The following SAMD9L variants were observed in gnomAD, a reference collection of about 807,000 sequenced individuals.
SAMD9L encodes the protein sterile alpha motif domain containing 9 like.
Under a neutral mutation model 90.7 loss-of-function variants are expected in SAMD9L, and 68 were observed. The observed-to-expected ratio is 0.75, with a 90% CI of 0.62 to 0.92. The LOEUF (loss-of-function observed/expected upper bound fraction) is 0.92. Ranked by LOEUF, SAMD9L falls within the 40% of genes least tolerant of loss-of-function variation. The probability of loss-of-function intolerance (pLI) is 0.00; values close to 1 mark genes in which losing one functional copy is unlikely to be tolerated. For synonymous variants in SAMD9L, 640 were observed against 630.1 expected, an observed-to-expected ratio of 1.02 and a Z score of -0.23; for missense variants, 1,604 against 1,824.3, an observed-to-expected ratio of 0.88 and a Z score of 2.20.
chr7:93,131,329 A>G lies in SAMD9L; in HGVS notation c.4643T>C (p.Val1548Ala). ...YGTEEKIKIP[V>A]ISVYSGPLRS... is the part of the protein sequence containing the mutation. ...GAGTGGACCTGAATAAACAGATATT[A>G]CTGGTATTTTTATTTTTTCCTCTGT... is the stretch of plus-strand genomic sequence containing the variant. Residue 1548 changes from valine (V) to alanine (A), a missense_variant, in exon 5 of 5, where the codon GTA (valine) becomes GCA (alanine). Physicochemically the swap from Val to Ala is moderately conservative, Grantham distance 64. Transcript: ENST00000318238. 5.0e-6 allele frequency: 8 copies of G among 1,613,296 alleles called. No homozygotes were observed. The highest frequency in any genetic ancestry group is 4.2e-6 in the Non-Finnish European group (5 of 1,179,510).
In SAMD9L at chr7:93,133,966, A is replaced by T; in HGVS notation, c.2006T>A (p.Ile669Asn). The T allele has an allele frequency of 6.2e-7, 1 of 1,613,700 alleles. No homozygotes were observed. The highest frequency in any genetic ancestry group is 8.5e-7 in the Non-Finnish European group (1 of 1,179,808). Residue 669 changes from isoleucine to asparagine, a missense_variant, in exon 5 of 5, where the codon ATC becomes AAC. This residue lies in a region of SAMD9L where 606 missense variants were observed against 717.6 expected (regional missense o/e 0.84). Transcript: ENST00000318238. The stretch of plus-strand genomic sequence containing the variant: ...CAGGAATTTAGATTTGTCTTTCTCG[A>T]TGTCTGTCTCTGTACACTCATTTTC... ...LCENECTETD[I>N]EKDKSKFLEF...
chr7:93,148,111 T>C (rs1352223950), intron 1 of SAMD9L, 83 bp downstream of exon 1: 1 of 152,230 alleles, frequency 6.6e-6, no homozygotes, highest in Non-Finnish European at 1.5e-5. Context: ...TATATTTATA[T>C]AAAAAGTACA....
chr7:93,132,837 C>T lies in SAMD9L; in HGVS notation c.3135G>A (p.Lys1045=), dbSNP rs781462771. ...VQTLLLTRQR[K]VYGDETDTLF... ...GAGTGTCTGTTTCATCTCCATACAC[C>T]TTGCGCTGTCTTGTAAGCAGAAGAG... is the stretch of plus-strand genomic sequence containing the variant. The change falls in exon 5 of 5, where the codon AAG becomes AAA. Residue 1045 remains lysine (K), a synonymous_variant. Coordinates refer to ENST00000318238, the MANE Select transcript of SAMD9L (RefSeq NM_152703.5). 4.3e-5 allele frequency: 70 copies of T among 1,613,566 alleles called. No individual in the cohort carries two copies. The highest frequency in any genetic ancestry group is 5.6e-5 in the Non-Finnish European group (66 of 1,179,764).
At chr7:93,143,433 T>G (rs186745763) in intron 4 of SAMD9L, among the ~76,000 whole-genome samples, 3 of 152,290 alleles carry the variant, frequency 2.0e-5, no homozygotes, top group Admixed American at 1.3e-4. Context: ...TTCTCTGCTT[T>G]AATCACTCTT....
chr7:93,133,881 G>A lies in SAMD9L; in HGVS notation c.2091C>T (p.Asn697=). ...FYRGGKVSWW[N]FYFSSENYSS... The stretch of plus-strand genomic sequence containing the variant: ...AATAGTTTTCAGAAGAAAAATAGAA[G>A]TTCCACCAGGATACTTTGCCACCTC... The change falls in exon 5 of 5, where the codon AAC becomes AAT. Residue 697 remains asparagine, a synonymous_variant. Transcript: ENST00000318238. 6.2e-7 allele frequency: 1 copy of A among 1,613,504 alleles called. No homozygotes were observed. Among genetic ancestry groups the A allele is most frequent in the Non-Finnish European group, 8.5e-7 (1 of 1,179,762 alleles).
chr7:93,131,663 C>A lies in SAMD9L; in HGVS notation c.4309G>T (p.Glu1437Ter), dbSNP rs1792105391. The change falls in exon 5 of 5, where the codon GAA becomes TAA. Residue 1437 changes from glutamate (E) to a stop codon, truncating the protein, a stop_gained. Transcript: ENST00000318238. LOFTEE classifies it high-confidence loss of function. Reference sequence around the variant, plus strand: ...GAATCTTGATCTAGCTCTTGATTTTCTGGCCAGAACAGGAGGCAGGCCAAG... The same window carrying A: ...GAATCTTGATCTAGCTCTTGATTTTATGGCCAGAACAGGAGGCAGGCCAAG... ...YFLACLLFWP[E>*]NQELDQDSKL... is the part of the protein sequence containing the mutation. 1 of 1,613,700 alleles carries A rather than the reference C, an allele frequency of 6.2e-7. No individual in the cohort carries two copies. The highest frequency in any genetic ancestry group is 1.1e-5 in the South Asian group (1 of 91,064).
Position 93,134,216 on chromosome 7 carries a change from T to C in SAMD9L, c.1756A>G (p.Ile586Val), listed in dbSNP as rs1792299828. Residue 586 changes from isoleucine to valine, a missense_variant, in exon 5 of 5, where the codon ATT becomes GTT. Physicochemically the swap from Ile to Val is conservative, Grantham distance 29 (BLOSUM62 3). Around this residue, in one of 7 missense-constraint regions of SAMD9L, gnomAD observed 606 missense variants for 717.6 expected, o/e 0.84. Coordinates refer to ENST00000318238, the MANE Select transcript of SAMD9L (RefSeq NM_152703.5). ...AGTAGATCTTTCCATCGTTGATAAA[T>C]ATGTGAGTTTACAGAGATACACAAC... ...NMLCISVNSH[I>V]YQRWKDLLQT... 4 of 1,613,252 alleles carry C rather than the reference T, an allele frequency of 2.5e-6. No individual in the cohort carries two copies. Among genetic ancestry groups the C allele is most frequent in the Non-Finnish European group, 2.5e-6 (3 of 1,179,630 alleles).
chr7:93,135,744 A>G lies in SAMD9L; in HGVS notation c.228T>C (p.Asn76=), dbSNP rs778386940. 4 of 1,613,842 alleles carry G rather than the reference A, an allele frequency of 2.5e-6. No individual in the cohort carries two copies. The highest frequency in any genetic ancestry group is 1.3e-5 in the African/African-American group (1 of 74,842). ...LLIKRSYNKL[N]SKSPESDNHD... ...GATTGTCACTTTCAGGGGACTTACTATTCAATTTGTTGTATGAACGTTTTA... is the reference window on the plus strand; with the variant it reads ...GATTGTCACTTTCAGGGGACTTACTGTTCAATTTGTTGTATGAACGTTTTA... Residue 76 remains asparagine (N), a synonymous_variant, in exon 5 of 5, where the codon AAT becomes AAC. Transcript: ENST00000318238.
intron 4 of SAMD9L, among the ~76,000 whole-genome samples, chr7:93,144,332 T>A (rs1792809131): frequency 6.6e-6 from 1 of 152,166 alleles, no homozygotes; most frequent in Non-Finnish European, 1.5e-5. Flanking sequence ...TTGAAAATAT[T>A]TGAAAAAAAA....
Position 93,135,265 on chromosome 7 carries a change from G to A in SAMD9L, c.707C>T (p.Thr236Ile), listed in dbSNP as rs1412806896. The A allele has an allele frequency of 6.2e-7, 1 of 1,614,076 alleles. No homozygotes were observed. The highest frequency in any genetic ancestry group is 8.5e-7 in the Non-Finnish European group (1 of 1,179,972). The change falls in exon 5 of 5, where the codon ACC becomes ATC. Residue 236 changes from threonine to isoleucine, a missense_variant. Thr to Ile is a moderately conservative substitution (Grantham distance 89, BLOSUM62 -1). Transcript: ENST00000318238. ...TTTGTCCTTGACTCCAAAATGGATG[G>A]TGCCATTGGTGCGTGAATTCATACA... ...SACMNSRTNG[T>I]IHFGVKDKPH... is the part of the protein sequence containing the mutation.
In SAMD9L at chr7:93,135,092, G is replaced by A; in HGVS notation, c.880C>T (p.Leu294=). 2 of 1,612,806 alleles carry A rather than the reference G, an allele frequency of 1.2e-6. No homozygotes were observed. Among genetic ancestry groups the A allele is most frequent in the South Asian group, 2.2e-5 (2 of 91,072 alleles). The change falls in exon 5 of 5, where the codon CTG becomes TTG. Residue 294 remains leucine (L), a synonymous_variant. Coordinates refer to ENST00000318238, the MANE Select transcript of SAMD9L (RefSeq NM_152703.5). ...IREPRFVEVL[L]QNNTPSDRFV... Reference sequence around the variant, plus strand: ...CTGTCAGATGGTGTATTGTTCTGCAGAAGGACTTCCACAAACCTTGGCTCC... The same window carrying A: ...CTGTCAGATGGTGTATTGTTCTGCAAAAGGACTTCCACAAACCTTGGCTCC...
chr7:93,133,477 G>T lies in SAMD9L; in HGVS notation c.2495C>A (p.Thr832Lys). 1 of 1,612,324 alleles carries T rather than the reference G, an allele frequency of 6.2e-7. No homozygotes were observed. The highest frequency in any genetic ancestry group is 1.1e-5 in the South Asian group (1 of 90,690). Residue 832 changes from threonine (T) to lysine (K), a missense_variant, in exon 5 of 5, where the codon ACA (threonine) becomes AAA (lysine). Thr to Lys is a moderately conservative substitution (Grantham distance 78, BLOSUM62 -1). This residue lies in a region of SAMD9L where 606 missense variants were observed against 717.6 expected (regional missense o/e 0.84). Transcript: ENST00000318238. ...LAEKDLRYEK[T>K]LVIILNCMRS... ...CATGCAGTTTAAGATAATTACCAAT[G>T]TTTTTTCATATCGCAAATCCTTTTC...
chr7:93,144,655 T>A (rs1209131263), intron 4 of SAMD9L, 77 bp downstream of exon 4: 2 of 152,132 alleles, frequency 1.3e-5, no homozygotes, highest in African/African-American at 4.8e-5. Context: ...GCAGGAAGGA[T>A]CAAACTGGCC....
intron 3 of SAMD9L, 54 bp downstream of exon 3, chr7:93,145,331 A>C (rs1434192341): frequency 6.6e-6 from 1 of 152,280 alleles, no homozygotes; most frequent in Non-Finnish European, 1.5e-5. Flanking sequence ...TAGTTTTTAA[A>C]GATAGCTTTT....
intron 4 of SAMD9L, among the ~76,000 whole-genome samples, chr7:93,140,368 C>A (rs1022524068): frequency 6.7e-6 from 1 of 149,816 alleles, no homozygotes; most frequent in Middle Eastern, 3.3e-3. Context: ...CATACCCTGA[C>A]TGGAGAATTG....
intron 4 of SAMD9L, among the ~76,000 whole-genome samples, chr7:93,142,631 A>C (rs1792737080): frequency 6.6e-6 from 1 of 152,216 alleles, no homozygotes; most frequent in Admixed American, 6.5e-5. Context: ...ACAGTCCCTG[A>C]GTGAGCATTT....
chr7:93,132,301 G>A lies in SAMD9L; in HGVS notation c.3671C>T (p.Ser1224Phe). The change falls in exon 5 of 5, where the codon TCC becomes TTC. Residue 1224 changes from serine (S) to phenylalanine (F), a missense_variant. Ser to Phe is a radical substitution (Grantham distance 155). Transcript: ENST00000318238. ...TAAAAATTGCACCATATGTTTTTTG[G>A]ATAATTCATTTTCTTTGTGGAAAAA... ...TPFFHKENEL[S>F]KKHMVQFLSG... 6.2e-7 allele frequency: 1 copy of A among 1,613,678 alleles called. No individual in the cohort carries two copies. The highest frequency in any genetic ancestry group is 8.5e-7 in the Non-Finnish European group (1 of 1,179,816).
Position 93,130,905 on chromosome 7 carries a change from G to A in SAMD9L, c.*312C>T, listed in dbSNP as rs1180269621. 1 of 209,196 alleles carries A rather than the reference G, an allele frequency of 4.8e-6. No homozygotes were observed. Among genetic ancestry groups the A allele is most frequent in the Non-Finnish European group, 9.4e-6 (1 of 106,772 alleles). 13.0% of individuals were successfully genotyped at this position (209,196 alleles called of 1,614,324 possible). On this transcript the variant is annotated 3_prime_UTR_variant, in exon 5 of 5. Coordinates refer to ENST00000318238, the MANE Select transcript of SAMD9L (RefSeq NM_152703.5). ...ATTTAGAAAACTTATAAAAGCAATT[G>A]AGTTTAACACAGATTTTATTGCCCT...
intron 4 of SAMD9L, among the ~76,000 whole-genome samples, chr7:93,142,849 C>T (rs1455067673): frequency 6.6e-6 from 1 of 152,198 alleles, no homozygotes; most frequent in African/African-American, 2.4e-5. Context: ...CCAGTGTCCT[C>T]TCTCAGTAAT....
Sources: gnomAD v4.1 joint callset for allele counts (sites outside exome capture counted in the v4.1 genomes callset) on GRCh38, gnomAD v4.1.1 for gene constraint, gnomAD v4.1.1 regional missense constraint, MANE v1.5 for transcripts, NCBI Gene and HGNC (gene_info 2026-07-23, HGNC 2026-07-21) for gene names.